The following FAF1 variants were observed in gnomAD, a reference collection of about 807,000 sequenced individuals.
FAF1 encodes Fas associated factor 1.
A neutral mutation model predicts 92.5 loss-of-function variants in FAF1; 25 were observed. The ratio of observed to expected loss-of-function variants is 0.27; its 90% CI spans 0.20 to 0.38. FAF1 has a LOEUF of 0.38. Ranked by LOEUF, FAF1 falls within the 10% of genes least tolerant of loss-of-function variation. The pLI, the probability that FAF1 is intolerant of heterozygous loss-of-function variation, is 1.00. For synonymous variants in FAF1, 234 were observed against 273.2 expected (o/e 0.86, Z 1.42); for missense variants, 636 against 793.3 (o/e 0.80, Z 2.38).
At chr1:50,806,274 C>T (rs906157862) in intron 2 of FAF1, among the ~76,000 whole-genome samples, 23 of 152,220 alleles carry the variant, frequency 1.5e-4, no homozygotes, top group Non-Finnish European at 3.4e-4. Flanking sequence ...AAAAGATATT[C>T]AAATTAGTCA....
At chr1:50,561,716 C>T (rs186455290) in intron 13 of FAF1, among the ~76,000 whole-genome samples, 1 of 152,190 alleles carries the variant, frequency 6.6e-6, no homozygotes, top group African/African-American at 2.4e-5. Context: ...GTTCCAGCTA[C>T]TCGGGAGGCT....
chr1:50,569,018 C>A (rs1339484463), intron 12 of FAF1, among the ~76,000 whole-genome samples: 1 of 152,034 alleles, frequency 6.6e-6, no homozygotes, highest in African/African-American at 2.4e-5. Flanking sequence ...GAAGCAGTGG[C>A]AATAAAATGG....
In FAF1 at chr1:50,721,255, C is replaced by T. The variant is rs569589149; in HGVS notation, c.552-15364G>A. Reference sequence around the variant, plus strand: ...ACCACCAGGCTGGAGATAAGTGAGACGAGTCTCACTCTTATCACCAGCGAT... The same window carrying T: ...ACCACCAGGCTGGAGATAAGTGAGATGAGTCTCACTCTTATCACCAGCGAT... On this transcript the variant is annotated intron_variant, in intron 6 of 18. Transcript: ENST00000396153. Among the ~76,000 whole-genome samples, 9 of 151,796 alleles carry T rather than the reference C, an allele frequency of 5.9e-5. No homozygotes were observed. In the South Asian group the frequency reaches 1.3e-3, roughly 21 times the overall value.
intron 7 of FAF1, among the ~76,000 whole-genome samples, chr1:50,667,931 G>A (rs138179655): frequency 1.3e-5 from 2 of 152,284 alleles, no homozygotes; most frequent in African/African-American, 2.4e-5. Context: ...ATGCTCAGAC[G>A]TGATGTGATG....
chr1:50,715,803 C>G (rs180943890), intron 6 of FAF1, among the ~76,000 whole-genome samples: 1 of 152,110 alleles, frequency 6.6e-6, no homozygotes, highest in East Asian at 1.9e-4. Flanking sequence ...TTTTACATAC[C>G]CCTCCACATT....
rs1658263957 is a variant in FAF1, at chr1:50,718,141, TCCCAAGTAGCTGGGATTACAGGCA to T, written c.552-12274_552-12251del. 2.6e-5 allele frequency among the ~76,000 whole-genome samples: 4 copies of T among 152,194 alleles called. No individual in the cohort carries two copies. In the South Asian group the frequency reaches 8.3e-4, roughly 31 times the overall value. On this transcript the variant is annotated intron_variant, in intron 6 of 18. Transcript: ENST00000396153. Reference sequence around the variant, plus strand: ...TTCAAGCGATTCTCCTGCTTCAGCCTCCCAAGTAGCTGGGATTACAGGCACCCGAGTAGCTGGGATTACCACGCT... The same window carrying T: ...TTCAAGCGATTCTCCTGCTTCAGCCTCCCGAGTAGCTGGGATTACCACGCT...
chr1:50,714,724 C>T (rs1006160490), intron 6 of FAF1, among the ~76,000 whole-genome samples: 2 of 152,158 alleles, frequency 1.3e-5, no homozygotes, highest in Non-Finnish European at 2.9e-5. Context: ...CAGCTATGGA[C>T]CCTTGGAAGA....
intron 13 of FAF1, among the ~76,000 whole-genome samples, chr1:50,545,470 T>C (rs924247958): frequency 6.6e-6 from 1 of 152,120 alleles, no homozygotes; most frequent in Non-Finnish European, 1.5e-5. Flanking sequence ...GGTTGCACCA[T>C]GTTGGCCAGG....
intron 1 of FAF1, among the ~76,000 whole-genome samples, chr1:50,955,983 T>A (rs1645263573): frequency 6.6e-6 from 1 of 152,124 alleles, no homozygotes; most frequent in South Asian, 2.1e-4. Flanking sequence ...TGCCAGGGGC[T>A]GAGGAGAGAG....
At chr1:50,871,309 T>C (rs925356847) in intron 1 of FAF1, among the ~76,000 whole-genome samples, 2 of 152,244 alleles carry the variant, frequency 1.3e-5, no homozygotes, top group African/African-American at 2.4e-5. Flanking sequence ...ACCTAGCTAA[T>C]TGATGAAGAT....
intron 4 of FAF1, among the ~76,000 whole-genome samples, chr1:50,764,739 C>G (rs1399508927): frequency 6.6e-6 from 1 of 152,164 alleles, no homozygotes; most frequent in African/African-American, 2.4e-5. Flanking sequence ...TCAGTTATTC[C>G]TTCAAGGGCA....
intron 1 of FAF1, among the ~76,000 whole-genome samples, chr1:50,866,251 C>G (rs1282582925): frequency 2.0e-5 from 3 of 152,038 alleles, no homozygotes; most frequent in East Asian, 1.9e-4. Context: ...CCAGGAAAAG[C>G]TGAAAGCATT....
At chr1:50,930,091 G>A (rs1446331120) in intron 1 of FAF1, among the ~76,000 whole-genome samples, 2 of 152,094 alleles carry the variant, frequency 1.3e-5, no homozygotes, top group Non-Finnish European at 2.9e-5. Flanking sequence ...CATTTATTTA[G>A]GGTAATCTGG....
intron 8 of FAF1, among the ~76,000 whole-genome samples, chr1:50,654,332 A>C (rs1655007373): frequency 6.6e-6 from 1 of 152,184 alleles, no homozygotes; most frequent in Admixed American, 6.5e-5. Context: ...AATTAGATGT[A>C]ACTTGAGATT....
At chr1:50,950,688 G>A (rs1645207470) in intron 1 of FAF1, among the ~76,000 whole-genome samples, 1 of 152,182 alleles carries the variant, frequency 6.6e-6, no homozygotes, top group Non-Finnish European at 1.5e-5. Flanking sequence ...TGCATTCCAA[G>A]GCTTCTGAAC....
chr1:50,583,765 G>GACACAAAAACAAAACAAATAC lies in FAF1; in HGVS notation c.968-51_968-50insGTATTTGTTTTGTTTTTGTGT. The GACACAAAAACAAAACAAATAC allele has an allele frequency of 8.0e-7, 1 of 1,256,162 alleles. No individual in the cohort carries two copies. Among genetic ancestry groups the GACACAAAAACAAAACAAATAC allele is most frequent in the South Asian group, 1.4e-5 (1 of 73,126 alleles). The allele number at this position is 1,256,162 out of a possible 1,614,324, so 77.8% of individuals were successfully genotyped here. ...CAAAAACAAAAAAACAAAACAAATA[G>GACACAAAAACAAAACAAATAC]ACACAAAAACAAACCACATAACATC... On this transcript the variant is annotated intron_variant, in intron 10 of 18. Coordinates refer to ENST00000396153, the MANE Select transcript of FAF1 (RefSeq NM_007051.3). The surrounding 1 kb of genome is among the most constrained non-coding windows in gnomAD (Gnocchi z 4.2).
chr1:50,670,951 C>T (rs182860886), intron 7 of FAF1, among the ~76,000 whole-genome samples: 55 of 151,382 alleles, frequency 3.6e-4, no homozygotes, highest in African/African-American at 1.3e-3. Flanking sequence ...AATAAAGTAG[C>T]TTGATAAGTA....
chr1:50,614,936 T>C (rs1652842867), intron 8 of FAF1, among the ~76,000 whole-genome samples: 1 of 152,150 alleles, frequency 6.6e-6, no homozygotes, highest in African/African-American at 2.4e-5. Context: ...ATTTCAACTT[T>C]TATGTTAGAC....
At chr1:50,770,221 T>C (rs1412272291) in intron 4 of FAF1, among the ~76,000 whole-genome samples, 1 of 152,168 alleles carries the variant, frequency 6.6e-6, no homozygotes, top group Non-Finnish European at 1.5e-5. Context: ...CTCACCACTC[T>C]ATTCAACATA....
Sources: gnomAD v4.1 joint callset for allele counts (sites outside exome capture counted in the v4.1 genomes callset) on GRCh38, gnomAD v4.1.1 for gene constraint, Gnocchi (gnomAD v3.1) non-coding constraint, MANE v1.5 for transcripts, NCBI Gene and HGNC (gene_info 2026-07-23, HGNC 2026-07-21) for gene names.